The following ANK2 variants were observed in gnomAD, a reference collection of about 807,000 sequenced individuals.
ANK2 encodes ankyrin 2.
Under a neutral mutation model 360.5 loss-of-function variants are expected in ANK2, and 83 were observed. The observed-to-expected ratio is 0.23, with a 90% CI of 0.19 to 0.28. The LOEUF is 0.28. Ranked by LOEUF, ANK2 falls within the 10% of genes least tolerant of loss-of-function variation. ANK2 has a pLI of 1.00. For synonymous variants in ANK2, 1,740 were observed against 1,759.5 expected, an observed-to-expected ratio of 0.99 and a Z score of 0.28; for missense variants, 4,201 against 4,795.7, an observed-to-expected ratio of 0.88 and a Z score of 3.66.
At chr4:112,953,668 C>T (rs2095170155) in intron 2 of ANK2, among the ~76,000 whole-genome samples, 1 of 152,198 alleles carries the variant, frequency 6.6e-6, no homozygotes, top group Non-Finnish European at 1.5e-5. Flanking sequence ...TTTTGACATT[C>T]TCTAGAGGTC....
chr4:113,317,122 G>T (rs776794431), intron 24 of ANK2, among the ~76,000 whole-genome samples: 1 of 152,152 alleles, frequency 6.6e-6, no homozygotes, highest in Non-Finnish European at 1.5e-5. Context: ...CTCCACTTCC[G>T]CAGGAAGCAT....
chr4:113,256,083 T>G, intron 11 of ANK2, 151 bp downstream of exon 11: 1 of 928,890 alleles, frequency 1.1e-6, no homozygotes, highest in Non-Finnish European at 1.7e-6. Flanking sequence ...GCCTGTGTAC[T>G]TCATACATTC....
rs61196339 is a variant in ANK2 at position 112,921,379 on chromosome 4, GTTTT to G, written c.21+16882_21+16885del. 6.1e-3 allele frequency among the ~76,000 whole-genome samples: 781 copies of G among 127,888 alleles called. 8 individuals carry two copies. Among genetic ancestry groups the G allele is most frequent in the African/African-American group, 0.02 (736 of 36,076 alleles). 83.9% of individuals were successfully genotyped at this position (127,888 alleles called of 152,430 possible). On this transcript the variant is annotated intron_variant, in intron 2 of 30. Transcript: ENST00000503271. Reference sequence around the variant, plus strand: ...TATTTTCTGCATTAGGTTTCTTTAAGTTTTTTTTTTTTTTTTTTTTAACTGTTCC... The same window carrying G: ...TATTTTCTGCATTAGGTTTCTTTAAGTTTTTTTTTTTTTTTTAACTGTTCC...
chr4:113,109,701 A>G (rs2094077644), intron 1 of ANK2, among the ~76,000 whole-genome samples: 1 of 152,176 alleles, frequency 6.6e-6, no homozygotes, highest in South Asian at 2.1e-4. Context: ...AGTTTTGCCT[A>G]GCAATTCCTT....
intron 1 of ANK2, among the ~76,000 whole-genome samples, chr4:112,900,243 GA>G (rs1007981229): frequency 1.3e-5 from 2 of 151,878 alleles, no homozygotes; most frequent in Non-Finnish European, 2.9e-5. Context: ...TAACTAGTAA[GA>G]CATTTAAAAA....
chr4:113,330,529 A>G lies in ANK2; in HGVS notation c.3125+59A>G, dbSNP rs1273570075. ...TCGATGAGCTTGTGTCCTCTACATG[A>G]AATCACTAGGATGGAATGGAAAAAG... On this transcript the variant is annotated intron_variant, in intron 27 of 45. Coordinates refer to ENST00000357077, the MANE Select transcript of ANK2 (RefSeq NM_001148.6). 32 of 1,544,520 alleles carry G rather than the reference A, an allele frequency of 2.1e-5. 1 individual carries two copies. The highest frequency in any genetic ancestry group is 2.7e-5 in the African/African-American group (2 of 73,488).
At chr4:113,379,980 A>G (rs2097110785) in intron 45 of ANK2, among the ~76,000 whole-genome samples, 2 of 151,972 alleles carry the variant, frequency 1.3e-5, no homozygotes, top group Non-Finnish European at 2.9e-5. Flanking sequence ...GTAGATGCAT[A>G]GTGTATGGTT....
At chr4:113,138,738 A>C (rs1278895460) in intron 1 of ANK2, among the ~76,000 whole-genome samples, 1 of 152,232 alleles carries the variant, frequency 6.6e-6, no homozygotes, top group Non-Finnish European at 1.5e-5. Context: ...ATCTTTTGGT[A>C]ATGACAAATG....
intron 1 of ANK2, among the ~76,000 whole-genome samples, chr4:113,061,342 C>T (rs1325204917): frequency 6.6e-6 from 1 of 152,090 alleles, no homozygotes; most frequent in South Asian, 2.1e-4. Flanking sequence ...GACCCTCATC[C>T]AGTGGGAGAC....
chr4:113,065,548 C>T (rs1230573623), intron 1 of ANK2, among the ~76,000 whole-genome samples: 2 of 152,234 alleles, frequency 1.3e-5, no homozygotes, highest in East Asian at 1.9e-4. Context: ...GAATCATGTA[C>T]GTAGTTAGTG....
chr4:112,918,458 GAAAGT>G (rs2090551903), intron 2 of ANK2, among the ~76,000 whole-genome samples: 3 of 152,178 alleles, frequency 2.0e-5, no homozygotes, highest in Non-Finnish European at 4.4e-5. Context: ...CTCTCACTCT[GAAAGT>G]AAGCTATTTG....
At chr4:113,091,133 T>C (rs1561988934) in intron 1 of ANK2, among the ~76,000 whole-genome samples, 1 of 152,202 alleles carries the variant, frequency 6.6e-6, no homozygotes, top group Non-Finnish European at 1.5e-5. Context: ...TTGAACCATA[T>C]CATAAAACCT....
At chr4:113,011,937 C>T (rs1199969332) in intron 2 of ANK2, among the ~76,000 whole-genome samples, 2 of 152,108 alleles carry the variant, frequency 1.3e-5, no homozygotes, top group South Asian at 2.1e-4. Flanking sequence ...TAAGTCCTCT[C>T]GGAAGAGTTT....
chr4:112,837,228 G>T (rs1363426037), intron 1 of ANK2, among the ~76,000 whole-genome samples: 1 of 152,246 alleles, frequency 6.6e-6, no homozygotes, highest in Admixed American at 6.5e-5. Context: ...TTGCTTCAGA[G>T]GGTGTAAGCC....
At chr4:113,352,886 C>T (rs533052662) in intron 37 of ANK2, among the ~76,000 whole-genome samples, 159 bp from the exon 38 acceptor site, 21 of 151,892 alleles carry the variant, frequency 1.4e-4, no homozygotes, top group Admixed American at 2.6e-4. Context: ...GCTCTTGTAC[C>T]CTGAGGCCTT....
intron 1 of ANK2, among the ~76,000 whole-genome samples, chr4:113,092,484 T>G (rs11726138): frequency 0.2 from 29,346 of 150,200 alleles, 3,737 homozygotes; most frequent in Non-Finnish European, 0.3. Flanking sequence ...GAATTTATAT[T>G]TACATCAACA....
the ANK2 span, among the ~76,000 whole-genome samples, chr4:112,734,737 T>C: frequency 6.6e-5 from 10 of 152,192 alleles, no homozygotes; most frequent in African/African-American, 2.4e-4. Flanking sequence ...TAAGAAGTAA[T>C]ACAGAGAAAA....
intron 2 of ANK2, among the ~76,000 whole-genome samples, chr4:113,010,965 C>A (rs939622792): frequency 3.3e-5 from 5 of 152,032 alleles, no homozygotes; most frequent in African/African-American, 1.2e-4. Flanking sequence ...TCTAGTGAAG[C>A]AAGAATAATC....
At chr4:112,826,647 G>T in intron 1 of ANK2, 1 of 1,070,292 alleles carries the variant, frequency 9.3e-7, no homozygotes, top group South Asian at 1.5e-5. Flanking sequence ...TGAAAAACGG[G>T]TGACCACACT....
Sources: allele counts gnomAD v4.1 joint callset (sites outside exome capture counted in the v4.1 genomes callset), GRCh38; gene constraint gnomAD v4.1.1; transcripts MANE v1.5; gene names NCBI Gene and HGNC (gene_info 2026-07-23, HGNC 2026-07-21).